The following BBS4 variants were observed in gnomAD, a reference collection of about 807,000 sequenced individuals.
BBS4 encodes the protein Bardet-Biedl syndrome 4, also known as BBSome complex member BBS4.
Under a neutral mutation model 71.4 loss-of-function variants are expected in BBS4, and 58 were observed. That is an observed-to-expected ratio of 0.81 (90% CI 0.66 to 1.01). The LOEUF is 1.01. Among genes scored for constraint, BBS4 ranks in the 50% least tolerant of loss-of-function variants. BBS4 has a pLI of 0.00. For synonymous variants in BBS4, 228 were observed against 216.8 expected (o/e 1.05, Z -0.46); for missense variants, 660 against 607.9 (o/e 1.09, Z -0.90).
intron 1 of BBS4, among the ~76,000 whole-genome samples, chr15:72,687,134 TGAGA>T: frequency 7.1e-6 from 1 of 140,556 alleles, no homozygotes; most frequent in African/African-American, 2.6e-5. Flanking sequence ...CTTTTTTTTT[TGAGA>T]CGGAGTGTCG....
At chr15:72,698,031 C>G (rs1462204937) in intron 2 of BBS4, 1 of 455,946 alleles carries the variant, frequency 2.2e-6, no homozygotes, top group Non-Finnish European at 4.4e-6. Context: ...TCTTACCCAT[C>G]ATTGAGGTGA....
In BBS4 at chr15:72,736,840, C is replaced by G. The variant is rs760115702; in HGVS notation, c.1327C>G (p.Pro443Ala). 79 of 1,614,052 alleles carry G rather than the reference C, an allele frequency of 4.9e-5. No individual in the cohort carries two copies. Among genetic ancestry groups the G allele is most frequent in the Non-Finnish European group, 6.7e-5 (79 of 1,180,038 alleles). ...GGTCTGGACCAAACCAGTTAAAGAT[C>G]CCAAATCAAAGCACCAGACCACTTC... ...ALVWTKPVKD[P>A]KSKHQTTSTS... is the part of the protein sequence containing the mutation. The change falls in exon 15 of 16, where the codon CCC becomes GCC. Residue 443 changes from proline (P) to alanine (A), a missense_variant. Transcript: ENST00000268057.
chr15:72,727,932 T>A lies in BBS4; in HGVS notation c.588-8T>A. On this transcript the variant is annotated splice_region_variant and splice_polypyrimidine_tract_variant and intron_variant, in intron 8 of 15. Transcript: ENST00000268057. The stretch of plus-strand genomic sequence containing the variant: ...TCTTGTTTCCCTCTGAGCATCTCTA[T>A]GTTGCAGGTTCTCACCAGAAAATAC... 6.2e-7 allele frequency: 1 copy of A among 1,607,570 alleles called. No individual in the cohort carries two copies. The highest frequency in any genetic ancestry group is 8.5e-7 in the Non-Finnish European group (1 of 1,174,022).
chr15:72,706,217 A>G (rs1226144952), intron 2 of BBS4, among the ~76,000 whole-genome samples: 1 of 151,548 alleles, frequency 6.6e-6, no homozygotes, highest in Non-Finnish European at 1.5e-5. Context: ...GCTCACTGCA[A>G]CCCCCGTCTC....
chr15:72,732,645 AG>A (rs1234648909), intron 12 of BBS4, among the ~76,000 whole-genome samples: 1 of 152,140 alleles, frequency 6.6e-6, no homozygotes, highest in Non-Finnish European at 1.5e-5. Context: ...AAAAAAACAT[AG>A]GTTTTATTAT....
intron 12 of BBS4, 22 bp from the exon 13 acceptor site, chr15:72,735,091 T>A: frequency 6.3e-7 from 1 of 1,594,630 alleles, no homozygotes; most frequent in Non-Finnish European, 8.6e-7. Flanking sequence ...GCTCTCCAGC[T>A]GCAGTGCTTT....
intron 8 of BBS4, among the ~76,000 whole-genome samples, chr15:72,725,230 T>TAA (rs537278982): frequency 6.8e-6 from 1 of 146,446 alleles, no homozygotes; most frequent in East Asian, 2.0e-4. Flanking sequence ...CCAGCTAATT[T>TAA]AAAAAAAAAA....
intron 5 of BBS4, among the ~76,000 whole-genome samples, 192 bp downstream of exon 5, chr15:72,715,594 G>A (rs2065454783): frequency 6.6e-6 from 1 of 152,256 alleles, no homozygotes; most frequent in African/African-American, 2.4e-5. Flanking sequence ...GATAACTAGT[G>A]TTAAGGAACT....
At chr15:72,686,791 A>T (rs1238318093) in intron 1 of BBS4, 2 of 351,314 alleles carry the variant, frequency 5.7e-6, no homozygotes, top group Non-Finnish European at 1.1e-5. Flanking sequence ...ATTCAGGATG[A>T]CCTAGTCGCT....
chr15:72,737,808 A>T lies in BBS4; in HGVS notation c.*221A>T, dbSNP rs774111354. The T allele has an allele frequency of 1.8e-6, 1 of 568,388 alleles. No individual in the cohort carries two copies. The highest frequency in any genetic ancestry group is 3.3e-6 in the Non-Finnish European group (1 of 301,008). 35.2% of individuals were successfully genotyped at this position (568,388 alleles called of 1,614,324 possible). A position where few individuals can be genotyped will look rare whatever the true frequency, so the allele number is the denominator to read the frequency against. ...GCCCCATAAGCCAGGAAAAGTGAAA[A>T]GAGAACACAGTTCCTTTAAGAACTG... On this transcript the variant is annotated 3_prime_UTR_variant, in exon 16 of 16. Transcript: ENST00000268057.
At chr15:72,735,246 C>T in intron 13 of BBS4, 64 bp downstream of exon 13, 1 of 1,252,518 alleles carries the variant, frequency 8.0e-7, no homozygotes, top group Non-Finnish European at 1.2e-6. Flanking sequence ...GAGGTGGTGC[C>T]ATACATAGCA....
intron 2 of BBS4, among the ~76,000 whole-genome samples, chr15:72,698,549 G>T (rs960883680): frequency 6.6e-6 from 1 of 152,132 alleles, no homozygotes; most frequent in African/African-American, 2.4e-5. Context: ...TCATGTTGTA[G>T]CATGTGTCAG....
intron 1 of BBS4, among the ~76,000 whole-genome samples, chr15:72,693,538 G>C (rs977912447): frequency 3.9e-5 from 6 of 152,142 alleles, no homozygotes; most frequent in African/African-American, 9.7e-5. Flanking sequence ...TGCTGTTGTA[G>C]GACAAAAGCA....
At chr15:72,729,186 T>TATA (rs1567426939) in intron 9 of BBS4, among the ~76,000 whole-genome samples, 1 of 61,628 alleles carries the variant, frequency 1.6e-5, no homozygotes. Flanking sequence ...TTTTTTTTTT[T>TATA]AAAGTCAAGA....
chr15:72,731,065 C>CTTTTTT lies in BBS4; in HGVS notation c.712-214_712-209dup, dbSNP rs35004414. The stretch of plus-strand genomic sequence containing the variant: ...ATGGGTAAAGCAAGTAACATTTTAT[C>CTTTTTT]TTTTTTTTTTTTTTTTTTTTTTTTT... On this transcript the variant is annotated intron_variant, in intron 10 of 15. Coordinates refer to ENST00000268057, the MANE Select transcript of BBS4 (RefSeq NM_033028.5). 3.5e-3 allele frequency among the ~76,000 whole-genome samples: 272 copies of CTTTTTT among 77,636 alleles called. 3 individuals carry two copies. The highest frequency in any genetic ancestry group is 4.2e-3 in the Non-Finnish European group (177 of 41,814). 50.9% of individuals were successfully genotyped at this position (77,636 alleles called of 152,430 possible). A position where few individuals can be genotyped will look rare whatever the true frequency, so the allele number is the denominator to read the frequency against.
intron 6 of BBS4, among the ~76,000 whole-genome samples, chr15:72,718,140 C>T (rs1045475275): frequency 7.2e-5 from 11 of 152,164 alleles, no homozygotes; most frequent in Non-Finnish European, 1.5e-4. Context: ...TGAGACACCA[C>T]GCCTGACCCT....
At chr15:72,707,371 G>A (rs1567408688) in intron 2 of BBS4, among the ~76,000 whole-genome samples, 1 of 151,654 alleles carries the variant, frequency 6.6e-6, no homozygotes, top group Non-Finnish European at 1.5e-5. Flanking sequence ...TAGAGATGGG[G>A]TTTCACCATG....
In BBS4 at chr15:72,686,244, T is replaced by G; in HGVS notation, c.17T>G (p.Val6Gly). Residue 6 changes from valine (V) to glycine (G), a missense_variant, in exon 1 of 16, where the codon GTC (valine) becomes GGC (glycine). Coordinates refer to ENST00000268057, the MANE Select transcript of BBS4 (RefSeq NM_033028.5). ...TGAGCTAAAATGGCTGAGGAGAGAG[T>G]CGCGACGGTGAGCGCCGAGATTCTC... MAEER[V>G]ATRTQFPVST... The G allele has an allele frequency of 4.5e-6, 7 of 1,564,888 alleles. No individual in the cohort carries two copies. The highest frequency in any genetic ancestry group is 2.4e-5 in the East Asian group (1 of 42,186).
chr15:72,715,619 C>G (rs1467047893), intron 5 of BBS4, among the ~76,000 whole-genome samples: 1 of 152,186 alleles, frequency 6.6e-6, no homozygotes, highest in Non-Finnish European at 1.5e-5. Context: ...ATTTTAAACA[C>G]TGTGCATTCT....
Sources: allele counts gnomAD v4.1 joint callset (sites outside exome capture counted in the v4.1 genomes callset), GRCh38; gene constraint gnomAD v4.1.1; transcripts MANE v1.5; gene names NCBI Gene and HGNC (gene_info 2026-07-23, HGNC 2026-07-21).